Variants in TTC28 observed in about 807,000 individuals in gnomAD.
The protein encoded by TTC28 is tetratricopeptide repeat domain 28.
TTC28 carries 61 observed loss-of-function variants against 198.0 expected under a neutral mutation model. The ratio of observed to expected loss-of-function variants is 0.31; its 90% CI spans 0.25 to 0.38. The LOEUF is 0.38. Among genes scored for constraint, TTC28 ranks in the 10% least tolerant of loss-of-function variants. The probability of loss-of-function intolerance (pLI) is 1.00; values close to 1 mark genes in which losing one functional copy is unlikely to be tolerated. For synonymous variants in TTC28, 1,171 were observed against 1,297.8 expected (o/e 0.90, Z 2.10); for missense variants, 2,678 against 3,164.0 (o/e 0.85, Z 3.69).
intron 2 of TTC28, among the ~76,000 whole-genome samples, chr22:28,532,746 G>A (rs1285002212): frequency 6.6e-6 from 1 of 152,126 alleles, no homozygotes; most frequent in Non-Finnish European, 1.5e-5. Flanking sequence ...TGCAAGGCTG[G>A]TTCAACATAC....
At chr22:28,146,573 G>T (rs1166610232) in intron 6 of TTC28, among the ~76,000 whole-genome samples, 2 of 152,148 alleles carry the variant, frequency 1.3e-5, no homozygotes, top group Admixed American at 1.3e-4. Context: ...TGTTGTGAAG[G>T]GCTTGATAAC....
intron 2 of TTC28, among the ~76,000 whole-genome samples, chr22:28,622,711 G>A (rs892752573): frequency 1.3e-5 from 2 of 152,092 alleles, no homozygotes; most frequent in Non-Finnish European, 2.9e-5. Context: ...GTCCAAAAGA[G>A]ATGAATGTTA....
chr22:28,314,238 C>T (rs1467925404), intron 2 of TTC28, among the ~76,000 whole-genome samples: 1 of 152,156 alleles, frequency 6.6e-6, no homozygotes, highest in Non-Finnish European at 1.5e-5. Context: ...GAAAAACATT[C>T]CATGCTCATG....
At chr22:28,394,492 C>A (rs1443878861) in intron 2 of TTC28, among the ~76,000 whole-genome samples, 1 of 152,216 alleles carries the variant, frequency 6.6e-6, no homozygotes, top group East Asian at 1.9e-4. Context: ...TACTTCCCTG[C>A]TAAGGTTTCC....
At chr22:28,432,697 A>G (rs1289220095) in intron 2 of TTC28, among the ~76,000 whole-genome samples, 1 of 152,214 alleles carries the variant, frequency 6.6e-6, no homozygotes, top group African/African-American at 2.4e-5. Flanking sequence ...AATGAGATCT[A>G]TTTTGTATTT....
In TTC28 at chr22:28,306,515, G is replaced by A; in HGVS notation, c.510C>T (p.Ala170=). 1 of 1,550,246 alleles carries A rather than the reference G, an allele frequency of 6.5e-7. No individual in the cohort carries two copies. Among genetic ancestry groups the A allele is most frequent in the East Asian group, 2.4e-5 (1 of 40,852 alleles). Residue 170 remains alanine (A), a synonymous_variant, in exon 3 of 23, where the codon GCC becomes GCT. Coordinates refer to ENST00000397906, the MANE Select transcript of TTC28 (RefSeq NM_001145418.2). ...LQLLVGMVEA[A]MKSPMRDSLE... is the part of the protein sequence containing the mutation. The stretch of plus-strand genomic sequence containing the variant: ...ATTTACCTCTCATGGGAGATTTCAT[G>A]GCGGCTTCCACCATCCCCACCAGAA...
chr22:28,064,324 T>C (rs1940669137), intron 12 of TTC28, among the ~76,000 whole-genome samples: 1 of 152,180 alleles, frequency 6.6e-6, no homozygotes, highest in South Asian at 2.1e-4. Context: ...GGGAAAAGGA[T>C]GACTTCAGGT....
At chr22:28,020,670 G>A (rs780237624) in intron 13 of TTC28, among the ~76,000 whole-genome samples, 19 of 152,200 alleles carry the variant, frequency 1.2e-4, no homozygotes, top group African/African-American at 3.6e-4. Flanking sequence ...GCCTGCGAGC[G>A]AGGATGAGCC....
chr22:28,330,813 C>T (rs2045602668), intron 2 of TTC28, among the ~76,000 whole-genome samples: 1 of 152,068 alleles, frequency 6.6e-6, no homozygotes, highest in South Asian at 2.1e-4. Context: ...ATAAATGCTG[C>T]ACATTAAACA....
At chr22:28,151,907 C>G (rs1332749118) in intron 6 of TTC28, among the ~76,000 whole-genome samples, 1 of 152,146 alleles carries the variant, frequency 6.6e-6, no homozygotes, top group East Asian at 1.9e-4. Flanking sequence ...CTTCCTACAT[C>G]AAGGGCATTA....
At chr22:28,615,787 C>T (rs886347388) in intron 2 of TTC28, among the ~76,000 whole-genome samples, 9 of 114,124 alleles carry the variant, frequency 7.9e-5, no homozygotes, top group Non-Finnish European at 3.5e-5. Context: ...CACATCGGGG[C>T]CTGTAGGGGG....
At position 28,058,129 on chromosome 22, in the gene TTC28, T is replaced by C. The variant is rs550861145; in HGVS notation, c.3933-27763A>G. On this transcript the variant is annotated intron_variant, in intron 12 of 22. Coordinates refer to ENST00000397906, the MANE Select transcript of TTC28 (RefSeq NM_001145418.2). Reference sequence around the variant, plus strand: ...CTTAAAGGACAGATAATAAATATTTTAGGCTTACGGGCAATATGGTATCTG... The same window carrying C: ...CTTAAAGGACAGATAATAAATATTTCAGGCTTACGGGCAATATGGTATCTG... Among the ~76,000 whole-genome samples the C allele has an allele frequency of 1.6e-4, 25 of 152,234 alleles. 1 individual carries two copies. The South Asian group carries it at 5.0e-3, about 30-fold the overall frequency.
At chr22:28,562,035 A>G (rs1348998676) in intron 2 of TTC28, among the ~76,000 whole-genome samples, 1 of 152,210 alleles carries the variant, frequency 6.6e-6, no homozygotes, top group East Asian at 1.9e-4. Flanking sequence ...GCATACTCAA[A>G]TACTTATGGA....
chr22:28,157,491 A>G (rs938142153), intron 6 of TTC28, among the ~76,000 whole-genome samples: 1 of 152,216 alleles, frequency 6.6e-6, no homozygotes, highest in Non-Finnish European at 1.5e-5. Flanking sequence ...ATCAAACTAC[A>G]GGCCGATATC....
At chr22:28,502,374 C>T (rs2048548626) in intron 2 of TTC28, among the ~76,000 whole-genome samples, 1 of 152,014 alleles carries the variant, frequency 6.6e-6, no homozygotes, top group Non-Finnish European at 1.5e-5. Context: ...GGCGCAGTGG[C>T]TTATGCCTGT....
intron 5 of TTC28, among the ~76,000 whole-genome samples, chr22:28,209,744 T>C (rs1451938596): frequency 1.3e-5 from 2 of 152,170 alleles, no homozygotes; most frequent in Non-Finnish European, 2.9e-5. Context: ...CAGCAGAAAC[T>C]TCTGCAGACT....
chr22:28,547,202 ATGTG>A (rs148933625), intron 2 of TTC28, among the ~76,000 whole-genome samples: 1 of 149,544 alleles, frequency 6.7e-6, no homozygotes, highest in Non-Finnish European at 1.5e-5. Flanking sequence ...GCATGTGTGT[ATGTG>A]TGTGTGTGAG....
At chr22:28,290,034 T>A (rs12484825) in intron 5 of TTC28, among the ~76,000 whole-genome samples, 8,304 of 143,030 alleles carry the variant, frequency 0.058, 335 homozygotes, top group Admixed American at 0.14. Context: ...AAAAAAAAAA[T>A]TTTTTTTTTT....
chr22:28,583,067 A>C (rs1276406811), intron 2 of TTC28, among the ~76,000 whole-genome samples: 1 of 152,112 alleles, frequency 6.6e-6, no homozygotes, highest in Non-Finnish European at 1.5e-5. Flanking sequence ...ACAAATGAGA[A>C]ATGCTGCATT....
Sources: gnomAD v4.1 joint callset for allele counts (sites outside exome capture counted in the v4.1 genomes callset) on GRCh38, gnomAD v4.1.1 for gene constraint, MANE v1.5 for transcripts, NCBI Gene and HGNC (gene_info 2026-07-23, HGNC 2026-07-21) for gene names.